PTP4A2: variants seen among roughly 807,000 people sequenced by gnomAD.
PTP4A2 encodes the protein protein tyrosine phosphatase type IVA 2.
PTP4A2 carries 2 observed loss-of-function variants against 22.9 expected under a neutral mutation model. The observed-to-expected ratio is 0.09, with a 90% CI of 0.04 to 0.27. PTP4A2 has a LOEUF of 0.27. PTP4A2 is among the 10% of genes least tolerant of loss of function. PTP4A2 has a pLI of 1.00. For missense variants in PTP4A2, 103 were observed against 205.1 expected, an observed-to-expected ratio of 0.50 and a Z score of 3.04; for synonymous variants, 68 against 69.1, an observed-to-expected ratio of 0.98 and a Z score of 0.08.
At chr1:31,917,843 G>A (rs192008140) in intron 2 of PTP4A2, among the ~76,000 whole-genome samples, 11 of 150,960 alleles carry the variant, frequency 7.3e-5, no homozygotes, top group African/African-American at 2.2e-4. Context: ...GTGTGGTGGC[G>A]CGCGCCTGTA....
At position 31,915,953 on chromosome 1, in the gene PTP4A2, C is replaced by T. The variant is rs1472249022; in HGVS notation, c.131G>A (p.Arg44Gln). 2 of 1,605,464 alleles carry T rather than the reference C, an allele frequency of 1.2e-6. No individual in the cohort carries two copies. Among genetic ancestry groups the T allele is most frequent in the South Asian group, 2.2e-5 (2 of 89,872 alleles). The change falls in exon 3 of 6, where the codon CGA becomes CAA. Residue 44 changes from arginine to glutamine, a missense_variant. Around this residue, in one of 3 missense-constraint regions of PTP4A2, gnomAD observed 66 missense variants for 113.0 expected, o/e 0.58. Coordinates refer to ENST00000647444, the MANE Select transcript of PTP4A2 (RefSeq NM_080391.4). ...LKKYGVTTLV[R>Q]VCDATYDKAP... ...TTTATCATATGTAGCATCACAAACT[C>T]GAACCAAAGTCGTCACTCCATACTT... is the stretch of plus-strand genomic sequence containing the variant.
chr1:31,909,503 G>A lies in PTP4A2; in HGVS notation c.395+535C>T, dbSNP rs527694464. On this transcript the variant is annotated intron_variant, in intron 5 of 5. Coordinates refer to ENST00000647444, the MANE Select transcript of PTP4A2 (RefSeq NM_080391.4). The stretch of plus-strand genomic sequence containing the variant: ...ATCCTGGCCAACATGGTGAAACCCC[G>A]TCTACTAAAAATACAAAAATTAGCT... Among the ~76,000 whole-genome samples, 15 of 151,822 alleles carry A rather than the reference G, an allele frequency of 9.9e-5. No individual in the cohort carries two copies. In the East Asian group the frequency reaches 2.1e-3, roughly 22 times the overall value.
chr1:31,923,436 G>A (rs377696732), intron 1 of PTP4A2, among the ~76,000 whole-genome samples: 2 of 145,448 alleles, frequency 1.4e-5, no homozygotes, highest in African/African-American at 2.6e-5. Context: ...CCGGGTTCAC[G>A]CCATTCTCCT....
chr1:31,909,275 C>G (rs1192285927), intron 5 of PTP4A2, among the ~76,000 whole-genome samples: 1 of 152,120 alleles, frequency 6.6e-6, no homozygotes, highest in Non-Finnish European at 1.5e-5. Context: ...CAAAAATTGT[C>G]AAAGAATTCT....
At chr1:31,929,983 C>A (rs1652646976) in intron 1 of PTP4A2, among the ~76,000 whole-genome samples, 1 of 152,092 alleles carries the variant, frequency 6.6e-6, no homozygotes, top group Non-Finnish European at 1.5e-5. Context: ...TCAAAATAAC[C>A]TACAGCACAG....
intron 1 of PTP4A2, among the ~76,000 whole-genome samples, chr1:31,926,857 C>T (rs1652489300): frequency 6.6e-6 from 1 of 152,032 alleles, no homozygotes; most frequent in African/African-American, 2.4e-5. Context: ...TTAAATAAGG[C>T]TAACAGGAAA....
chr1:31,909,974 A>G, intron 5 of PTP4A2, 64 bp downstream of exon 5: 5 of 1,412,818 alleles, frequency 3.5e-6, no homozygotes, highest in Non-Finnish European at 4.0e-6. Context: ...TATCCCTTCC[A>G]TAATTCCTTC....
chr1:31,919,059 G>T lies in PTP4A2; in HGVS notation c.7C>A (p.Arg3Ser). 2 of 1,575,524 alleles carry T rather than the reference G, an allele frequency of 1.3e-6. No homozygotes were observed. The highest frequency in any genetic ancestry group is 1.1e-5 in the South Asian group (1 of 89,770). The change falls in exon 2 of 6, where the codon CGT becomes AGT. Residue 3 changes from arginine to serine, a missense_variant. Arg to Ser is a moderately radical substitution (Grantham distance 110). Around this residue, in one of 3 missense-constraint regions of PTP4A2, gnomAD observed 66 missense variants for 113.0 expected, o/e 0.58. Transcript: ENST00000647444. MN[R>S]PAPVEISYEN... is the part of the protein sequence containing the mutation. ...TAGGAGATCTCCACAGGGGCTGGAC[G>T]GTTCATTATGGCAAATAAAAAGTGT...
At chr1:31,922,589 TC>T (rs1209454742) in intron 1 of PTP4A2, among the ~76,000 whole-genome samples, 1 of 10,816 alleles carries the variant, frequency 9.2e-5, no homozygotes, top group East Asian at 2.1e-3. Context: ...CAGGTTTGTT[TC>T]TTTCTTTCTT....
At chr1:31,936,415 A>C (rs1375280543) in intron 1 of PTP4A2, among the ~76,000 whole-genome samples, 5 of 152,100 alleles carry the variant, frequency 3.3e-5, no homozygotes, top group South Asian at 2.1e-4. Context: ...AACAAACAAA[A>C]AAAAAACAAA....
At chr1:31,920,569 G>A (rs1251461474) in intron 1 of PTP4A2, among the ~76,000 whole-genome samples, 2 of 105,464 alleles carry the variant, frequency 1.9e-5, no homozygotes, top group African/African-American at 3.8e-5. Flanking sequence ...ACGGAGCCTT[G>A]CTCTGTCACC....
chr1:31,923,903 C>T (rs1451688733), intron 1 of PTP4A2: 1 of 152,168 alleles, frequency 6.6e-6, no homozygotes, highest in Admixed American at 6.5e-5. Flanking sequence ...GGATGTTCAT[C>T]TCCAACTCTG....
intron 2 of PTP4A2, among the ~76,000 whole-genome samples, chr1:31,917,485 G>GTAA (rs1651907502): frequency 6.6e-6 from 1 of 152,120 alleles, no homozygotes; most frequent in South Asian, 2.1e-4. Flanking sequence ...AATAAACTCT[G>GTAA]TAATAGCCAT....
rs1024202388 is a variant in PTP4A2, at chr1:31,909,017, T to C, written c.396-57A>G. On this transcript the variant is annotated intron_variant, in intron 5 of 5. Coordinates refer to ENST00000647444, the MANE Select transcript of PTP4A2 (RefSeq NM_080391.4). ...GTAAAAAAAGAGCTGTCTGATTCACTGAAATGCATTATTTACATCCTAAAG... is the reference window on the plus strand; with the variant it reads ...GTAAAAAAAGAGCTGTCTGATTCACCGAAATGCATTATTTACATCCTAAAG... 3.3e-6 allele frequency: 4 copies of C among 1,229,388 alleles called. No homozygotes were observed. The African/African-American group carries it at 6.0e-5, about 18-fold the overall frequency. 76.2% of individuals were successfully genotyped at this position (1,229,388 alleles called of 1,614,324 possible). A position where few individuals can be genotyped will look rare whatever the true frequency, so the allele number is the denominator to read the frequency against.
rs1345548254 is a variant in PTP4A2, at chr1:31,911,812, A to C, written c.204T>G (p.Asp68Glu). 1.7e-5 allele frequency: 27 copies of C among 1,577,634 alleles called. No homozygotes were observed. Among genetic ancestry groups the C allele is most frequent in the Non-Finnish European group, 2.2e-5 (26 of 1,167,960 alleles). The change falls in exon 4 of 6, where the codon GAT (aspartate) becomes GAG (glutamate). Residue 68 changes from aspartate to glutamate, a missense_variant. Physicochemically the swap from Asp to Glu is conservative, Grantham distance 45. Transcript: ENST00000647444. ...EGIHVLDWPFDDGAPPPNQIV... is the reference protein window; with the variant it reads ...EGIHVLDWPFEDGAPPPNQIV... Reference sequence around the variant, plus strand: ...TCTGATTAGGGGGTGGAGCTCCATCATCAAATGGCCAATCCTGAAAAGAAA... The same window carrying C: ...TCTGATTAGGGGGTGGAGCTCCATCCTCAAATGGCCAATCCTGAAAAGAAA...
At chr1:31,927,492 A>G (rs77884300) in intron 1 of PTP4A2, among the ~76,000 whole-genome samples, 1,598 of 152,334 alleles carry the variant, frequency 0.01, 33 homozygotes, top group African/African-American at 0.036. Context: ...AAACCTGCAC[A>G]TGTACACACT....
intron 3 of PTP4A2, among the ~76,000 whole-genome samples, chr1:31,913,502 A>G (rs1401039660): frequency 6.6e-6 from 1 of 152,178 alleles, no homozygotes; most frequent in Non-Finnish European, 1.5e-5. Flanking sequence ...TGTTTTCTAT[A>G]GTGGTTGTAC....
At position 31,908,236 on chromosome 1, in the gene PTP4A2, G is replaced by GT. The variant is rs56981526; in HGVS notation, c.*615dup. On this transcript the variant is annotated 3_prime_UTR_variant, in exon 6 of 6. Transcript: ENST00000647444. Reference sequence around the variant, plus strand: ...TGCTGTTTTTTTGGTGTTGTTTTTTGTTTTTTTTTTTTTTTTATCTAAAAG... The same window carrying GT: ...TGCTGTTTTTTTGGTGTTGTTTTTTGTTTTTTTTTTTTTTTTTATCTAAAAG... The GT allele has an allele frequency of 9.1e-3, 435 of 47,810 alleles. 31 individuals are homozygous for GT. The highest frequency in any genetic ancestry group is 0.012 in the Non-Finnish European group (287 of 23,702). 3.0% of individuals were successfully genotyped at this position (47,810 alleles called of 1,614,324 possible).
Position 31,919,115 on chromosome 1 carries a change from G to T in PTP4A2, c.-50C>A. ...TGCGTGTGAGTGTGATGGGGAAAGTGAAAAAAAAAAATCAATAAATCTTGA... is the reference window on the plus strand; with the variant it reads ...TGCGTGTGAGTGTGATGGGGAAAGTTAAAAAAAAAAATCAATAAATCTTGA... On this transcript the variant is annotated 5_prime_UTR_variant, in exon 2 of 6. Transcript: ENST00000647444. The T allele has an allele frequency of 4.2e-6, 3 of 710,882 alleles. No individual in the cohort carries two copies. Among genetic ancestry groups the T allele is most frequent in the South Asian group, 1.9e-5 (1 of 53,106 alleles). 44.0% of individuals were successfully genotyped at this position (710,882 alleles called of 1,614,324 possible).
Sources: allele counts gnomAD v4.1 joint callset (sites outside exome capture counted in the v4.1 genomes callset), GRCh38; gene constraint gnomAD v4.1.1; regional missense constraint gnomAD v4.1.1; transcripts MANE v1.5; gene names NCBI Gene and HGNC (gene_info 2026-07-23, HGNC 2026-07-21).